The following WDR37 variants were observed in gnomAD, a reference collection of about 807,000 sequenced individuals.
WDR37 encodes the protein WD repeat domain 37, also known as WD repeat-containing protein 37.
WDR37 carries 19 observed loss-of-function variants against 62.9 expected under a neutral mutation model. The ratio of observed to expected loss-of-function variants is 0.30; its 90% confidence interval spans 0.21 to 0.44. The LOEUF (loss-of-function observed/expected upper bound fraction) is 0.44, where lower values mean the gene tolerates loss of function less well. Ranked by LOEUF, WDR37 falls within the 20% of genes least tolerant of loss-of-function variation. The pLI is 1.00. For synonymous variants in WDR37, 250 were observed against 260.9 expected (o/e 0.96, Z 0.40); for missense variants, 474 against 657.6 (o/e 0.72, Z 3.05).
intron 13 of WDR37, 66 bp from the exon 14 acceptor site, chr10:1,129,147 G>A (rs1835899831): frequency 6.3e-6 from 10 of 1,589,286 alleles, no homozygotes; most frequent in East Asian, 2.3e-5. Context: ...TATTCATTTC[G>A]CTGAGGTCTT....
At chr10:1,090,969 G>C (rs1248332945) in intron 7 of WDR37, among the ~76,000 whole-genome samples, 1 of 152,204 alleles carries the variant, frequency 6.6e-6, no homozygotes, top group Admixed American at 6.5e-5. Context: ...CGTCCACTAT[G>C]GAAGGTGACC....
chr10:1,066,176 C>T (rs1191787897), intron 1 of WDR37, among the ~76,000 whole-genome samples: 5 of 151,952 alleles, frequency 3.3e-5, no homozygotes, highest in South Asian at 2.1e-4. Context: ...AGTGCAGTGG[C>T]GCGATCTTGG....
At chr10:1,066,359 GTCCA>G (rs1564495904) in intron 1 of WDR37, among the ~76,000 whole-genome samples, 2,731 of 152,184 alleles carry the variant, frequency 0.018, 81 homozygotes, top group African/African-American at 0.063. Context: ...CTTGTGATCC[GTCCA>G]CCTTGACCTC....
chr10:1,073,771 C>T (rs1333644407), intron 2 of WDR37, among the ~76,000 whole-genome samples: 2 of 152,170 alleles, frequency 1.3e-5, no homozygotes, highest in African/African-American at 4.8e-5. Flanking sequence ...CTCCCTGTGT[C>T]CTCACAGAGT....
In WDR37 at chr10:1,093,494, C is replaced by T; in HGVS notation, c.647C>T (p.Thr216Ile). ...CATCCCTCAGAGCAGTTGGCTCTCA[C>T]TGGTATGTTGATTTTTTTCTTTATT... ...KFHPSEQLAL[T>I]ASGDQTAHIW... is the part of the protein sequence containing the mutation. The change falls in exon 8 of 14, where the codon ACT becomes ATT. Residue 216 changes from threonine (T) to isoleucine (I), a missense_variant and splice_region_variant. Coordinates refer to ENST00000263150, the MANE Select transcript of WDR37 (RefSeq NM_014023.4). 1 of 1,607,418 alleles carries T rather than the reference C, an allele frequency of 6.2e-7. No homozygotes were observed. The highest frequency in any genetic ancestry group is 8.5e-7 in the Non-Finnish European group (1 of 1,177,118).
At chr10:1,096,502 G>A (rs184547346) in intron 9 of WDR37, 37 of 519,976 alleles carry the variant, frequency 7.1e-5, no homozygotes, top group East Asian at 1.6e-4. Context: ...GTCACTCTCC[G>A]TGTCACGTAA....
intron 1 of WDR37, among the ~76,000 whole-genome samples, chr10:1,064,583 C>CTTTTTTTTTTTTTTTTTTTTTT (rs71376884): frequency 1.4e-5 from 1 of 70,464 alleles, no homozygotes; most frequent in Non-Finnish European, 2.4e-5. Flanking sequence ...GACAATGGAT[C>CTTTTTTTTTTTTTTTTTTTTTT]TTTTTTTTTT....
At chr10:1,116,499 C>T (rs536481761) in intron 11 of WDR37, among the ~76,000 whole-genome samples, 4 of 152,300 alleles carry the variant, frequency 2.6e-5, no homozygotes, top group South Asian at 2.1e-4. Context: ...AAGATAATGG[C>T]CCCCAGTTCT....
At chr10:1,077,761 A>C (rs952175077) in intron 2 of WDR37, 146 bp from the exon 3 acceptor site, 2 of 642,472 alleles carry the variant, frequency 3.1e-6, no homozygotes, top group East Asian at 6.4e-5. Flanking sequence ...TTGGAACTTT[A>C]AACTCTTTAA....
intron 1 of WDR37, among the ~76,000 whole-genome samples, chr10:1,058,090 C>CAGGGTATGTAAACACGGTATG (rs11283910): frequency 6.6e-6 from 1 of 151,776 alleles, no homozygotes; most frequent in African/African-American, 2.4e-5. Context: ...TAAATATGAA[C>CAGGGTATGTAAACACGGTATG]TCACCAATGT....
chr10:1,072,095 G>C, intron 1 of WDR37, 21 bp from the exon 2 acceptor site: 8 of 1,581,902 alleles, frequency 5.1e-6, no homozygotes, highest in Non-Finnish European at 6.9e-6. Context: ...CAGAAACACT[G>C]TTTTTTCTTG....
intron 2 of WDR37, 113 bp from the exon 3 acceptor site, chr10:1,077,794 T>C: frequency 1.3e-6 from 1 of 779,664 alleles, no homozygotes; most frequent in Non-Finnish European, 2.0e-6. Flanking sequence ...TAAAAATATG[T>C]AATAATACAA....
intron 1 of WDR37, among the ~76,000 whole-genome samples, chr10:1,065,587 T>TA (rs914568513): frequency 4.2e-3 from 598 of 140,842 alleles, no homozygotes; most frequent in Middle Eastern, 0.021. Context: ...TGTCAGTAGG[T>TA]AAAAAAAAAA....
At chr10:1,070,942 T>C (rs983753118) in intron 1 of WDR37, among the ~76,000 whole-genome samples, 2 of 152,230 alleles carry the variant, frequency 1.3e-5, no homozygotes, top group African/African-American at 4.8e-5. Flanking sequence ...GATGTGTGTC[T>C]GCACCTGGTA....
In WDR37 at chr10:1,104,144, A is replaced by T. The variant is rs114464838; in HGVS notation, c.961+308A>T. On this transcript the variant is annotated intron_variant, in intron 10 of 13. Coordinates refer to ENST00000263150, the MANE Select transcript of WDR37 (RefSeq NM_014023.4). Reference sequence around the variant, plus strand: ...TAGTGTCTTAAAACGACAGGAATTGACGGCCTCATGGTTTCCCAGGTCAGT... The same window carrying T: ...TAGTGTCTTAAAACGACAGGAATTGTCGGCCTCATGGTTTCCCAGGTCAGT... Among the ~76,000 whole-genome samples the T allele has an allele frequency of 4.6e-3, 696 of 152,294 alleles. 5 individuals carry two copies. The highest frequency in any genetic ancestry group is 0.015 in the African/African-American group (640 of 41,572).
chr10:1,104,871 CCTT>C (rs1834953469), intron 10 of WDR37, among the ~76,000 whole-genome samples: 1 of 152,174 alleles, frequency 6.6e-6, no homozygotes, highest in African/African-American at 2.4e-5. Context: ...ATTTGCCTGA[CCTT>C]CTAACTGGTA....
intron 1 of WDR37, among the ~76,000 whole-genome samples, chr10:1,068,627 T>G (rs1269222453): frequency 6.6e-6 from 1 of 152,084 alleles, no homozygotes; most frequent in Non-Finnish European, 1.5e-5. Flanking sequence ...GAATCTCTCA[T>G]GTGTTCCTGA....
intron 2 of WDR37, among the ~76,000 whole-genome samples, chr10:1,075,784 C>CT (rs11387795): frequency 0.57 from 80,483 of 140,870 alleles, 23,577 homozygotes; most frequent in Non-Finnish European, 0.65. Context: ...ATTGGAACTT[C>CT]TTTTTTTTTT....
At chr10:1,080,238 T>A in intron 4 of WDR37, 132 bp downstream of exon 4, 1 of 1,272,492 alleles carries the variant, frequency 7.9e-7, no homozygotes, top group South Asian at 1.3e-5. Flanking sequence ...GGTGTGGGTC[T>A]AGGAGAATAA....
Sources: allele counts gnomAD v4.1 joint callset (sites outside exome capture counted in the v4.1 genomes callset), GRCh38; gene constraint gnomAD v4.1.1; transcripts MANE v1.5; gene names NCBI Gene and HGNC (gene_info 2026-07-23, HGNC 2026-07-21).